The following SGCZ variants were observed in gnomAD, a reference collection of about 807,000 sequenced individuals.
The protein encoded by SGCZ is sarcoglycan zeta, also known as zeta-sarcoglycan.
In SGCZ, 40 loss-of-function variants were observed where a neutral mutation model predicts 41.3. The observed-to-expected ratio is 0.97, with a 90% CI of 0.75 to 1.26. The LOEUF is 1.26. Ranked by LOEUF, SGCZ falls within the 50% of genes most tolerant of loss-of-function variation. The pLI, the probability that SGCZ is intolerant of heterozygous loss-of-function variation, is 0.00. For missense variants in SGCZ, 552 were observed against 369.8 expected, an observed-to-expected ratio of 1.49 and a Z score of -4.04; for synonymous variants, 206 against 137.5, an observed-to-expected ratio of 1.50 and a Z score of -3.49.
intron 4 of SGCZ, among the ~76,000 whole-genome samples, chr8:14,179,953 C>T (rs148531011): frequency 6.6e-6 from 1 of 152,234 alleles, no homozygotes; most frequent in African/African-American, 2.4e-5. Flanking sequence ...TGAAACCGGC[C>T]CAAGCACTAG....
chr8:14,969,478 C>T (rs898929918), intron 1 of SGCZ, among the ~76,000 whole-genome samples: 1 of 152,072 alleles, frequency 6.6e-6, no homozygotes, highest in African/African-American at 2.4e-5. Context: ...AAATCCATCA[C>T]CTCCAGGTAT....
chr8:14,533,325 AG>A (rs1333672956), intron 2 of SGCZ, among the ~76,000 whole-genome samples: 2 of 149,102 alleles, frequency 1.3e-5, no homozygotes, highest in Non-Finnish European at 3.0e-5. Context: ...TTTTTGTATT[AG>A]CAACACTAAA....
At chr8:14,943,725 T>C (rs1472876681) in intron 1 of SGCZ, among the ~76,000 whole-genome samples, 1 of 152,172 alleles carries the variant, frequency 6.6e-6, no homozygotes, top group East Asian at 1.9e-4. Context: ...TCCTCTCCCA[T>C]CTTCCAAACT....
chr8:14,357,557 T>C (rs1803342028), intron 2 of SGCZ, among the ~76,000 whole-genome samples: 2 of 152,136 alleles, frequency 1.3e-5, no homozygotes, highest in Non-Finnish European at 2.9e-5. Flanking sequence ...ACAAAATAGG[T>C]AAGACATATG....
At chr8:14,999,467 A>C (rs1216568091) in intron 1 of SGCZ, among the ~76,000 whole-genome samples, 12 of 152,172 alleles carry the variant, frequency 7.9e-5, no homozygotes, top group African/African-American at 2.9e-4. Context: ...TCTCCAATAA[A>C]AAAGTAACAT....
intron 1 of SGCZ, among the ~76,000 whole-genome samples, chr8:14,999,933 C>T (rs1332021747): frequency 6.6e-6 from 1 of 152,160 alleles, no homozygotes; most frequent in African/African-American, 2.4e-5. Flanking sequence ...GGCTGAATGC[C>T]TTCTTCCGCC....
At chr8:15,003,595 T>C (rs1052706264) in intron 1 of SGCZ, among the ~76,000 whole-genome samples, 2 of 152,302 alleles carry the variant, frequency 1.3e-5, no homozygotes, top group African/African-American at 4.8e-5. Context: ...GACCAAACTA[T>C]TAATACACAA....
At chr8:14,494,968 T>C (rs1801948610) in intron 2 of SGCZ, among the ~76,000 whole-genome samples, 1 of 152,184 alleles carries the variant, frequency 6.6e-6, no homozygotes, top group African/African-American at 2.4e-5. Flanking sequence ...AATTTAAAGG[T>C]AATTTGGGGA....
chr8:14,353,988 C>T (rs553472519), intron 2 of SGCZ, among the ~76,000 whole-genome samples: 7 of 151,876 alleles, frequency 4.6e-5, no homozygotes, highest in Non-Finnish European at 7.4e-5. Flanking sequence ...ATAAGTAGAC[C>T]CTGAATCTGA....
intron 1 of SGCZ, among the ~76,000 whole-genome samples, chr8:14,822,135 T>A (rs142946949): frequency 1.7e-4 from 25 of 149,738 alleles, no homozygotes; most frequent in Non-Finnish European, 3.6e-4. Context: ...ATAAATTCAG[T>A]TAAGTTTCAG....
intron 1 of SGCZ, among the ~76,000 whole-genome samples, chr8:15,160,867 G>A (rs978515655): frequency 2.6e-5 from 4 of 152,136 alleles, no homozygotes; most frequent in Non-Finnish European, 5.9e-5. Flanking sequence ...GCATGCAGAG[G>A]CATCCTTGAG....
At chr8:15,180,110 T>C (rs1053625658) in intron 1 of SGCZ, among the ~76,000 whole-genome samples, 1 of 152,296 alleles carries the variant, frequency 6.6e-6, no homozygotes, top group East Asian at 1.9e-4. Context: ...TGCAAGTCTT[T>C]ATAGAAATCA....
At chr8:14,500,649 T>C (rs1243126724) in intron 2 of SGCZ, among the ~76,000 whole-genome samples, 2 of 152,082 alleles carry the variant, frequency 1.3e-5, no homozygotes, top group Non-Finnish European at 2.9e-5. Context: ...ATAAAATATA[T>C]ACCTGTATTA....
chr8:14,402,106 A>G (rs1799093888), intron 2 of SGCZ, among the ~76,000 whole-genome samples: 1 of 152,102 alleles, frequency 6.6e-6, no homozygotes, highest in Non-Finnish European at 1.5e-5. Context: ...GTGTCTGTTC[A>G]TGTCCTTTGC....
intron 1 of SGCZ, among the ~76,000 whole-genome samples, chr8:15,228,701 G>A (rs1304506391): frequency 6.6e-6 from 1 of 152,152 alleles, no homozygotes. Flanking sequence ...ATTTAAGACA[G>A]AATGCCTTAG....
chr8:14,108,101 A>C, intron 6 of SGCZ, 62 bp downstream of exon 6: 1 of 1,440,428 alleles, frequency 6.9e-7, no homozygotes, highest in Non-Finnish European at 9.7e-7. Context: ...TTAGTTCTTC[A>C]TATATTAAGG....
At chr8:15,009,790 G>T (rs1802762864) in intron 1 of SGCZ, among the ~76,000 whole-genome samples, 1 of 151,988 alleles carries the variant, frequency 6.6e-6, no homozygotes, top group African/African-American at 2.4e-5. Context: ...GAATGACCTG[G>T]TATTTCTCAT....
At chr8:14,751,522 T>A (rs1799496880) in intron 1 of SGCZ, among the ~76,000 whole-genome samples, 1 of 152,182 alleles carries the variant, frequency 6.6e-6, no homozygotes, top group African/African-American at 2.4e-5. Context: ...GGATATAATA[T>A]ATACAACATT....
At chr8:14,786,891 G>GC (rs1276200045) in intron 1 of SGCZ, among the ~76,000 whole-genome samples, 6 of 150,552 alleles carry the variant, frequency 4.0e-5, no homozygotes, top group Non-Finnish European at 7.4e-5. Context: ...GATAAAGACA[G>GC]CCCCCATACA....
Sources: gnomAD v4.1 joint callset for allele counts (sites outside exome capture counted in the v4.1 genomes callset) on GRCh38, gnomAD v4.1.1 for gene constraint, MANE v1.5 for transcripts, NCBI Gene and HGNC (gene_info 2026-07-23, HGNC 2026-07-21) for gene names.